PHACTR1: variants seen among roughly 807,000 people sequenced by gnomAD.
PHACTR1 encodes RPEL repeat containing 1.
A neutral mutation model predicts 69.2 loss-of-function variants in PHACTR1; 16 were observed. The observed-to-expected ratio is 0.23, with a 90% confidence interval of 0.16 to 0.35. The LOEUF is 0.35. Among genes scored for constraint, PHACTR1 ranks in the 10% least tolerant of loss-of-function variants. The pLI is 1.00. For missense variants in PHACTR1, 510 were observed against 734.7 expected (o/e 0.69, Z 3.54); for synonymous variants, 312 against 284.5 (o/e 1.10, Z -0.97).
intron 8 of PHACTR1, among the ~76,000 whole-genome samples, chr6:13,210,104 C>T (rs1394060933): frequency 6.6e-6 from 1 of 152,162 alleles, no homozygotes. Context: ...ACCTTCCAGG[C>T]TCAAGCAATT....
At chr6:13,229,384 A>G (rs1770403132) in intron 9 of PHACTR1, among the ~76,000 whole-genome samples, 1 of 152,198 alleles carries the variant, frequency 6.6e-6, no homozygotes, top group African/African-American at 2.4e-5. Flanking sequence ...ACTGATTTAT[A>G]TCAGATGTAG....
intron 4 of PHACTR1, among the ~76,000 whole-genome samples, chr6:13,034,468 A>G (rs1802989450): frequency 6.6e-6 from 1 of 152,174 alleles, no homozygotes; most frequent in Non-Finnish European, 1.5e-5. Context: ...ACTTCCTCTC[A>G]TATTTTATCT....
chr6:13,230,358 C>T, intron 10 of PHACTR1, 165 bp downstream of exon 10: 1 of 1,440,112 alleles, frequency 6.9e-7, no homozygotes, highest in South Asian at 1.2e-5. Flanking sequence ...TCAAGACCAG[C>T]CTGGCCAACA....
chr6:12,863,333 A>T (rs1781127902), intron 4 of PHACTR1, among the ~76,000 whole-genome samples: 1 of 152,200 alleles, frequency 6.6e-6, no homozygotes, highest in Non-Finnish European at 1.5e-5. Flanking sequence ...TCCTCATGTG[A>T]TGGAGACTGA....
chr6:12,817,496 TCA>T (rs1359946822), intron 4 of PHACTR1, among the ~76,000 whole-genome samples: 6 of 152,356 alleles, frequency 3.9e-5, no homozygotes, highest in South Asian at 2.1e-4. Context: ...TTTCTGATCC[TCA>T]GTTTTTTAAA....
chr6:12,908,730 T>G (rs1487423254), intron 4 of PHACTR1, among the ~76,000 whole-genome samples: 2 of 152,060 alleles, frequency 1.3e-5, no homozygotes, highest in African/African-American at 4.8e-5. Context: ...TTAAGAACAG[T>G]GTGCTCATGG....
chr6:13,237,244 G>A (rs1286768833), intron 10 of PHACTR1, among the ~76,000 whole-genome samples: 1 of 152,144 alleles, frequency 6.6e-6, no homozygotes, highest in Non-Finnish European at 1.5e-5. Flanking sequence ...GGGCATGATG[G>A]CGTCCACCTG....
At chr6:13,157,668 G>T (rs1758376931) in intron 5 of PHACTR1, among the ~76,000 whole-genome samples, 1 of 152,148 alleles carries the variant, frequency 6.6e-6, no homozygotes, top group African/African-American at 2.4e-5. Context: ...TTAGTCTGTG[G>T]TTTACAACAC....
intron 6 of PHACTR1, among the ~76,000 whole-genome samples, chr6:13,166,207 G>T (rs942547668): frequency 6.6e-6 from 1 of 152,114 alleles, no homozygotes; most frequent in African/African-American, 2.4e-5. Context: ...CTTACTCTGC[G>T]ACCACCAAGT....
At chr6:12,904,125 A>T (rs1004155067) in intron 4 of PHACTR1, among the ~76,000 whole-genome samples, 3 of 152,194 alleles carry the variant, frequency 2.0e-5, no homozygotes, top group Non-Finnish European at 4.4e-5. Context: ...CAGAGAAGAC[A>T]TTTTCATTTA....
chr6:12,913,112 C>T (rs1434147122), intron 4 of PHACTR1, among the ~76,000 whole-genome samples: 1 of 152,186 alleles, frequency 6.6e-6, no homozygotes, highest in Admixed American at 6.5e-5. Flanking sequence ...TACAGAAAAA[C>T]CCAAGGTAGA....
chr6:12,985,561 T>TAC (rs1554186433), intron 4 of PHACTR1, among the ~76,000 whole-genome samples: 129 of 146,412 alleles, frequency 8.8e-4, no homozygotes, highest in African/African-American at 2.5e-3. Context: ...TATATATATA[T>TAC]ACACAGAGAG....
chr6:13,229,699 C>T (rs1770489471), intron 9 of PHACTR1, among the ~76,000 whole-genome samples: 1 of 152,200 alleles, frequency 6.6e-6, no homozygotes, highest in Admixed American at 6.5e-5. Context: ...GAAACTTCCC[C>T]TAGTTGCTAA....
rs1269026951 is a variant in PHACTR1 at position 13,275,076 on chromosome 6, A to C, written c.1447+2161A>C. ...AAACATCCTCCAATAGTTTGTTTTA[A>C]AACTGATTTTCTGAGCTTTCAGCCA... On this transcript the variant is annotated intron_variant, in intron 11 of 14. Transcript: ENST00000332995. This position sits in a 1 kb window ranked among gnomAD's most constrained non-coding sequence, Gnocchi z 4.0. 1 of 152,216 alleles carries C rather than the reference A, an allele frequency of 6.6e-6. No homozygotes were observed. Among genetic ancestry groups the C allele is most frequent in the Non-Finnish European group, 1.5e-5 (1 of 68,034 alleles). The allele number at this position is 152,216 out of a possible 1,614,324, so 9.4% of individuals were successfully genotyped here. A position where few individuals can be genotyped will look rare whatever the true frequency, so the allele number is the denominator to read the frequency against.
chr6:13,280,105 A>G (rs1345228273), intron 12 of PHACTR1: 1 of 152,062 alleles, frequency 6.6e-6, no homozygotes, highest in Non-Finnish European at 1.5e-5. Context: ...TTTTGCGGAG[A>G]ACTTGACTAA....
chr6:12,876,825 C>T (rs2038894275), intron 4 of PHACTR1, among the ~76,000 whole-genome samples: 1 of 152,126 alleles, frequency 6.6e-6, no homozygotes. Flanking sequence ...CCATAATTTG[C>T]ATCTGTAAGC....
At chr6:13,118,903 C>T (rs1818230013) in intron 5 of PHACTR1, among the ~76,000 whole-genome samples, 1 of 152,120 alleles carries the variant, frequency 6.6e-6, no homozygotes. Context: ...TCTTGCGGTG[C>T]TCTGAGCCTC....
intron 4 of PHACTR1, among the ~76,000 whole-genome samples, chr6:12,874,062 C>T (rs1782313745): frequency 6.6e-6 from 1 of 152,220 alleles, no homozygotes; most frequent in Admixed American, 6.5e-5. Flanking sequence ...AGCTATAGTT[C>T]TCAAACTTTA....
chr6:13,065,181 T>G (rs534843020), intron 5 of PHACTR1, among the ~76,000 whole-genome samples: 1 of 152,026 alleles, frequency 6.6e-6, no homozygotes, highest in Non-Finnish European at 1.5e-5. Context: ...GAAATGCAGA[T>G]TGGAAGTCAT....
Sources: allele counts gnomAD v4.1 joint callset (sites outside exome capture counted in the v4.1 genomes callset), GRCh38; gene constraint gnomAD v4.1.1; non-coding constraint Gnocchi (gnomAD v3.1); transcripts MANE v1.5; gene names NCBI Gene and HGNC (gene_info 2026-07-23, HGNC 2026-07-21).